Variants in CNBD1 observed in about 807,000 individuals in gnomAD.
CNBD1 encodes the protein cyclic nucleotide-binding domain-containing protein 1.
Under a neutral mutation model 54.4 loss-of-function variants are expected in CNBD1, and 71 were observed. That is an observed-to-expected ratio of 1.30 (90% CI 1.08 to 1.59). CNBD1 has a LOEUF of 1.59. CNBD1 is among the 40% of genes most tolerant of loss of function. The pLI is 0.00. For missense variants in CNBD1, 659 were observed against 518.0 expected (o/e 1.27, Z -2.64); for synonymous variants, 182 against 170.7 (o/e 1.07, Z -0.51).
At chr8:87,286,046 C>T (rs1160757654) in intron 7 of CNBD1, among the ~76,000 whole-genome samples, 1 of 152,076 alleles carries the variant, frequency 6.6e-6, no homozygotes, top group Non-Finnish European at 1.5e-5. Context: ...CTTGGGTCTC[C>T]AGTGGTGGGG....
chr8:86,967,905 G>T (rs562428920), intron 4 of CNBD1, among the ~76,000 whole-genome samples: 69 of 151,940 alleles, frequency 4.5e-4, no homozygotes, highest in Non-Finnish European at 1.5e-5. Context: ...CTGGGTAAAA[G>T]AAACTGCAGT....
intron 3 of CNBD1, among the ~76,000 whole-genome samples, chr8:86,910,675 A>G (rs1159896561): frequency 2.5e-4 from 38 of 152,364 alleles, no homozygotes; most frequent in Non-Finnish European, 5.9e-5. Flanking sequence ...TGTTTAGGTC[A>G]GTTTATGTCA....
chr8:87,270,424 C>T (rs146808296), intron 6 of CNBD1, among the ~76,000 whole-genome samples: 2,763 of 151,952 alleles, frequency 0.018, 72 homozygotes, highest in African/African-American at 0.063. Flanking sequence ...TACCATCTCA[C>T]GCCAGTCAGA....
chr8:87,241,966 C>T (rs965386674), intron 6 of CNBD1, among the ~76,000 whole-genome samples: 4 of 152,090 alleles, frequency 2.6e-5, no homozygotes, highest in African/African-American at 7.2e-5. Context: ...ATAGACCCCT[C>T]GTCTTAGCCA....
chr8:87,300,771 T>C lies in CNBD1; in HGVS notation c.1042+14100T>C, dbSNP rs1015990181. The stretch of plus-strand genomic sequence containing the variant: ...AGGGTGAAGGCCTCTTATTTTAGTA[T>C]GGTTCCACTGATTGGAGATCTGAAT... On this transcript the variant is annotated intron_variant, in intron 8 of 10. Transcript: ENST00000518476. Among the ~76,000 whole-genome samples the C allele has an allele frequency of 6.6e-5, 10 of 152,116 alleles. No homozygotes were observed. In the East Asian group the frequency reaches 1.2e-3, roughly 18 times the overall value.
At chr8:87,026,662 C>G (rs937360282) in intron 4 of CNBD1, among the ~76,000 whole-genome samples, 1 of 152,088 alleles carries the variant, frequency 6.6e-6, no homozygotes, top group Non-Finnish European at 1.5e-5. Flanking sequence ...TTCTTTATAA[C>G]CTTCCTTATC....
intron 3 of CNBD1, among the ~76,000 whole-genome samples, chr8:86,915,476 G>T (rs1029415856): frequency 2.6e-5 from 4 of 152,060 alleles, no homozygotes; most frequent in Non-Finnish European, 5.9e-5. Context: ...GTTGAGTTTT[G>T]GGGAAGGGCT....
chr8:87,210,293 G>A (rs933108385), intron 5 of CNBD1, among the ~76,000 whole-genome samples: 2 of 152,166 alleles, frequency 1.3e-5, no homozygotes, highest in Admixed American at 1.3e-4. Context: ...AAAATTTGCA[G>A]CCTACCCATA....
At chr8:87,396,066 T>C (rs1811404284) in intron 2 of CNBD1, among the ~76,000 whole-genome samples, 1 of 151,940 alleles carries the variant, frequency 6.6e-6, no homozygotes, top group Non-Finnish European at 1.5e-5. Context: ...GGTATGTCTT[T>C]ATGAGCAGAG....
At chr8:87,293,834 T>C (rs950849115) in intron 8 of CNBD1, among the ~76,000 whole-genome samples, 26 of 152,158 alleles carry the variant, frequency 1.7e-4, no homozygotes, top group African/African-American at 6.3e-4. Flanking sequence ...ACTGATAATG[T>C]GAGGCAGGAA....
intron 2 of CNBD1, among the ~76,000 whole-genome samples, chr8:87,417,080 C>T (rs1004630054): frequency 3.0e-4 from 45 of 151,966 alleles, no homozygotes; most frequent in Admixed American, 8.5e-4. Flanking sequence ...TGTTCTCATG[C>T]GTTTAAGAAA....
intron 4 of CNBD1, among the ~76,000 whole-genome samples, chr8:87,114,023 G>A (rs905265724): frequency 6.6e-6 from 1 of 152,030 alleles, no homozygotes; most frequent in Non-Finnish European, 1.5e-5. Context: ...TCACATGTAA[G>A]AATAAAAGTA....
intron 2 of CNBD1, among the ~76,000 whole-genome samples, chr8:87,417,332 TC>T (rs1807854260): frequency 6.6e-6 from 1 of 151,950 alleles, no homozygotes; most frequent in Non-Finnish European, 1.5e-5. Context: ...TGGGTCCCTC[TC>T]ATGACATGTA....
intron 4 of CNBD1, among the ~76,000 whole-genome samples, chr8:87,111,362 A>T (rs552310773): frequency 1.3e-5 from 2 of 152,242 alleles, no homozygotes; most frequent in Non-Finnish European, 2.9e-5. Flanking sequence ...CGTGGCCAGC[A>T]CTCTGGTTAT....
At chr8:87,020,307 C>A (rs1244653200) in intron 4 of CNBD1, among the ~76,000 whole-genome samples, 1 of 151,984 alleles carries the variant, frequency 6.6e-6, no homozygotes, top group East Asian at 1.9e-4. Context: ...TGTCCTCCCC[C>A]ATTATTCAAA....
chr8:87,109,750 G>T (rs964327172), intron 4 of CNBD1, among the ~76,000 whole-genome samples: 1 of 151,882 alleles, frequency 6.6e-6, no homozygotes, highest in African/African-American at 2.4e-5. Context: ...GTGTTAGCCA[G>T]GATGGTCTTG....
At chr8:87,144,438 C>G (rs1331741788) in intron 4 of CNBD1, among the ~76,000 whole-genome samples, 3 of 152,022 alleles carry the variant, frequency 2.0e-5, no homozygotes, top group African/African-American at 7.2e-5. Context: ...ATATAAATTA[C>G]TTTGAAACAT....
chr8:86,924,092 C>T (rs1435489718), intron 3 of CNBD1, among the ~76,000 whole-genome samples: 1 of 152,184 alleles, frequency 6.6e-6, no homozygotes, highest in Non-Finnish European at 1.5e-5. Context: ...ATGTACCTCC[C>T]TATGTCCTTA....
intron 4 of CNBD1, among the ~76,000 whole-genome samples, chr8:87,055,837 T>TTTCCTTCC (rs199523377): frequency 7.1e-6 from 1 of 140,544 alleles, no homozygotes; most frequent in Non-Finnish European, 1.5e-5. Context: ...TCCCTCTCTC[T>TTTCCTTCC]TTCCTTCCTT....
Sources: gnomAD v4.1 joint callset for allele counts (sites outside exome capture counted in the v4.1 genomes callset) on GRCh38, gnomAD v4.1.1 for gene constraint, MANE v1.5 for transcripts, NCBI Gene and HGNC (gene_info 2026-07-23, HGNC 2026-07-21) for gene names.